The following ADGRB3 variants were observed in gnomAD, a reference collection of about 807,000 sequenced individuals.
The protein encoded by ADGRB3 is adhesion G protein-coupled receptor B3, also known as brain-specific angiogenesis inhibitor 3.
A neutral mutation model predicts 193.4 loss-of-function variants in ADGRB3; 37 were observed. The observed-to-expected ratio is 0.19, with a 90% confidence interval of 0.15 to 0.25. The LOEUF (loss-of-function observed/expected upper bound fraction) is 0.25. Ranked by LOEUF, ADGRB3 falls within the 10% of genes least tolerant of loss-of-function variation. The probability of loss-of-function intolerance (pLI) is 1.00; values close to 1 mark genes in which losing one functional copy is unlikely to be tolerated. For synonymous variants in ADGRB3, 690 were observed against 644.2 expected (o/e 1.07, Z -1.08); for missense variants, 1,637 against 1,852.9 (o/e 0.88, Z 2.14).
intron 20 of ADGRB3, among the ~76,000 whole-genome samples, chr6:69,318,344 A>T (rs1219785226): frequency 6.6e-6 from 1 of 151,198 alleles, no homozygotes; most frequent in Non-Finnish European, 1.5e-5. Context: ...TGACCATATG[A>T]TTTCTCTTCT....
At chr6:69,241,241 T>G (rs1038825968) in intron 20 of ADGRB3, among the ~76,000 whole-genome samples, 35 of 152,054 alleles carry the variant, frequency 2.3e-4, no homozygotes, top group African/African-American at 7.9e-4. Context: ...ATATGTAATT[T>G]AAATTATATT....
intron 20 of ADGRB3, among the ~76,000 whole-genome samples, chr6:69,300,958 G>A (rs886628909): frequency 6.6e-6 from 1 of 151,734 alleles, no homozygotes; most frequent in Non-Finnish European, 1.5e-5. Flanking sequence ...GATGTAGGAA[G>A]AGTTTATTTA....
At chr6:68,668,070 T>A (rs1042805602) in intron 3 of ADGRB3, among the ~76,000 whole-genome samples, 1 of 151,918 alleles carries the variant, frequency 6.6e-6, no homozygotes, top group South Asian at 2.1e-4. Context: ...ATAAGCTAAC[T>A]GATGATAATC....
intron 3 of ADGRB3, among the ~76,000 whole-genome samples, chr6:68,757,641 T>C: frequency 6.6e-6 from 1 of 152,134 alleles, no homozygotes; most frequent in Non-Finnish European, 1.5e-5. Context: ...TTTCTTATAA[T>C]TCTTTTTCTG....
At chr6:68,686,055 T>G (rs755906923) in intron 3 of ADGRB3, among the ~76,000 whole-genome samples, 2 of 152,166 alleles carry the variant, frequency 1.3e-5, no homozygotes, top group Admixed American at 6.5e-5. Context: ...ATGTGTCCTT[T>G]AAAGGCTTTC....
chr6:68,690,329 T>G (rs951862833), intron 3 of ADGRB3, among the ~76,000 whole-genome samples: 5 of 152,112 alleles, frequency 3.3e-5, no homozygotes, highest in African/African-American at 9.7e-5. Flanking sequence ...CTTTGTAGTT[T>G]GGGTGCTTTT....
At chr6:68,670,570 A>G (rs1338836572) in intron 3 of ADGRB3, among the ~76,000 whole-genome samples, 1 of 151,826 alleles carries the variant, frequency 6.6e-6, no homozygotes, top group African/African-American at 2.4e-5. Flanking sequence ...GTTGAAAATG[A>G]GTTCAGTATA....
chr6:68,747,814 G>A (rs1450392004), intron 3 of ADGRB3, among the ~76,000 whole-genome samples: 6 of 152,148 alleles, frequency 3.9e-5, no homozygotes, highest in African/African-American at 1.4e-4. Flanking sequence ...ATTAGCAGTT[G>A]TATTAGTCGG....
intron 20 of ADGRB3, among the ~76,000 whole-genome samples, chr6:69,296,415 C>T (rs1767818683): frequency 6.6e-6 from 1 of 152,130 alleles, no homozygotes; most frequent in Non-Finnish European, 1.5e-5. Context: ...TTCTCCCTAT[C>T]TCCCAAATGC....
intron 3 of ADGRB3, among the ~76,000 whole-genome samples, chr6:68,858,765 C>A (rs1203313122): frequency 6.6e-6 from 1 of 152,154 alleles, no homozygotes; most frequent in Non-Finnish European, 1.5e-5. Flanking sequence ...CTTTCAGCTG[C>A]AGATGGGACA....
chr6:69,367,432 C>T (rs368206150), intron 29 of ADGRB3, among the ~76,000 whole-genome samples: 6 of 152,066 alleles, frequency 3.9e-5, no homozygotes, highest in South Asian at 4.2e-4. Flanking sequence ...CCTGAGGAAT[C>T]GCCACACTGA....
chr6:69,154,214 G>A (rs1939248677), intron 17 of ADGRB3, among the ~76,000 whole-genome samples: 2 of 152,120 alleles, frequency 1.3e-5, no homozygotes, highest in Non-Finnish European at 2.9e-5. Flanking sequence ...AGGAGGGATC[G>A]TAGTTCCCAT....
At chr6:68,803,331 T>A (rs1448352635) in intron 3 of ADGRB3, among the ~76,000 whole-genome samples, 1 of 152,168 alleles carries the variant, frequency 6.6e-6, no homozygotes, top group East Asian at 1.9e-4. Context: ...TTTTTTGCAT[T>A]CTCCAAAGGA....
chr6:68,710,519 G>A (rs1765391895), intron 3 of ADGRB3, among the ~76,000 whole-genome samples: 1 of 152,146 alleles, frequency 6.6e-6, no homozygotes, highest in Admixed American at 6.6e-5. Context: ...GTTTAAAGAA[G>A]TCGGCTTCTG....
At chr6:69,125,086 AG>A (rs1351814675) in intron 17 of ADGRB3, among the ~76,000 whole-genome samples, 2 of 152,174 alleles carry the variant, frequency 1.3e-5, no homozygotes, top group African/African-American at 2.4e-5. Context: ...GTTGACAAGC[AG>A]GCTTCCTCTT....
chr6:69,026,949 G>A (rs981153715), intron 13 of ADGRB3, among the ~76,000 whole-genome samples: 1 of 152,124 alleles, frequency 6.6e-6, no homozygotes, highest in African/African-American at 2.4e-5. Context: ...TGAGGGTGTA[G>A]GAAATTACTA....
chr6:69,165,170 G>T (rs1400535588), intron 17 of ADGRB3, among the ~76,000 whole-genome samples: 1 of 151,936 alleles, frequency 6.6e-6, no homozygotes, highest in African/African-American at 2.4e-5. Context: ...TTTTCATTTT[G>T]ACAACACAGA....
At chr6:69,015,775 A>G (rs985068766) in intron 12 of ADGRB3, among the ~76,000 whole-genome samples, 2 of 151,906 alleles carry the variant, frequency 1.3e-5, no homozygotes, top group African/African-American at 4.8e-5. Context: ...GTTACCCATC[A>G]GTTCCAGTTA....
chr6:68,772,893 AAATATATATATATAT>A (rs1465965320), intron 3 of ADGRB3, among the ~76,000 whole-genome samples: 1,004 of 22,646 alleles, frequency 0.044, 25 homozygotes, highest in Middle Eastern at 0.065. Context: ...AAAAAAAAAA[AAATATATATATATAT>A]ATATATATAT....
Sources: gnomAD v4.1 joint callset for allele counts (sites outside exome capture counted in the v4.1 genomes callset) on GRCh38, gnomAD v4.1.1 for gene constraint, MANE v1.5 for transcripts, NCBI Gene and HGNC (gene_info 2026-07-23, HGNC 2026-07-21) for gene names.